The following BMPR2 variants were observed in gnomAD, a reference collection of about 807,000 sequenced individuals.
The protein encoded by BMPR2 is bone morphogenetic protein receptor type 2.
BMPR2 carries 29 observed loss-of-function variants against 100.8 expected under a neutral mutation model. The ratio of observed to expected loss-of-function variants is 0.29; its 90% CI spans 0.21 to 0.39. The LOEUF is 0.39. Among genes scored for constraint, BMPR2 ranks in the 10% least tolerant of loss-of-function variants. The pLI is 1.00. For missense variants in BMPR2, 1,011 were observed against 1,274.5 expected (o/e 0.79, Z 3.15); for synonymous variants, 382 against 442.3 (o/e 0.86, Z 1.71).
At chr2:202,547,461 G>A (rs954461353) in intron 10 of BMPR2, among the ~76,000 whole-genome samples, 1 of 152,060 alleles carries the variant, frequency 6.6e-6, no homozygotes, top group African/African-American at 2.4e-5. Context: ...GTAATCAATG[G>A]TTTTATCCTA....
chr2:202,403,498 T>A (rs1283033142), intron 1 of BMPR2, among the ~76,000 whole-genome samples: 2 of 152,152 alleles, frequency 1.3e-5, no homozygotes, highest in African/African-American at 4.8e-5. Flanking sequence ...TTTTCTCGTA[T>A]AATTTTGAAC....
At chr2:202,556,616 T>G in intron 12 of BMPR2, 85 bp downstream of exon 12, 1 of 1,444,342 alleles carries the variant, frequency 6.9e-7, no homozygotes, top group Non-Finnish European at 9.5e-7. Context: ...TAGATATATT[T>G]CAACTAGTGA....
chr2:202,407,500 T>G (rs1232697720), intron 1 of BMPR2, among the ~76,000 whole-genome samples: 4 of 151,084 alleles, frequency 2.6e-5, no homozygotes, highest in Admixed American at 2.6e-4. Context: ...TGGCTGGGCG[T>G]GGTCGCTCAC....
At chr2:202,415,728 AT>A (rs2105920061) in intron 1 of BMPR2, among the ~76,000 whole-genome samples, 2 of 152,332 alleles carry the variant, frequency 1.3e-5, no homozygotes, top group East Asian at 3.9e-4. Flanking sequence ...CTTACTGAAT[AT>A]TTTAAGCCCA....
In BMPR2 at chr2:202,464,860, A is replaced by C; in HGVS notation, c.128A>C (p.Asp43Ala). Reference sequence around the variant, plus strand: ...GCGTTTAAAGATCCGTATCAGCAAGACCTTGGGATAGGTGAGAGTAGAATC... The same window carrying C: ...GCGTTTAAAGATCCGTATCAGCAAGCCCTTGGGATAGGTGAGAGTAGAATC... ...LCAFKDPYQQ[D>A]LGIGESRISH... The change falls in exon 2 of 13, where the codon GAC becomes GCC. Residue 43 changes from aspartate (D) to alanine (A), a missense_variant. This residue lies in a region of BMPR2 where 355 missense variants were observed against 455.3 expected (regional missense o/e 0.78). Transcript: ENST00000374580. The C allele has an allele frequency of 6.2e-7, 1 of 1,614,152 alleles. No individual in the cohort carries two copies. The highest frequency in any genetic ancestry group is 8.5e-7 in the Non-Finnish European group (1 of 1,180,022).
At chr2:202,514,860 A>G (rs1422551453) in intron 4 of BMPR2, 28 bp from the exon 5 acceptor site, 1 of 1,555,744 alleles carries the variant, frequency 6.4e-7, no homozygotes, top group South Asian at 1.1e-5. Context: ...AAAACCATAT[A>G]TTAGTAACCT....
chr2:202,507,455 T>C (rs1687542196), intron 3 of BMPR2, among the ~76,000 whole-genome samples: 1 of 152,174 alleles, frequency 6.6e-6, no homozygotes, highest in African/African-American at 2.4e-5. Context: ...GGTAACACAA[T>C]TATGGCTCAC....
intron 1 of BMPR2, among the ~76,000 whole-genome samples, chr2:202,378,439 C>G (rs1244805826): frequency 6.6e-6 from 1 of 152,106 alleles, no homozygotes; most frequent in Non-Finnish European, 1.5e-5. Context: ...ATGGATTGTG[C>G]TTTTAAAACG....
intron 7 of BMPR2, among the ~76,000 whole-genome samples, chr2:202,523,841 C>T (rs926114536): frequency 6.6e-6 from 1 of 151,646 alleles, no homozygotes; most frequent in African/African-American, 2.4e-5. Context: ...GTTACACATA[C>T]ACCATCGAGT....
intron 1 of BMPR2, among the ~76,000 whole-genome samples, chr2:202,381,607 T>C (rs1327128980): frequency 6.6e-6 from 1 of 152,222 alleles, no homozygotes; most frequent in Admixed American, 6.5e-5. Context: ...AATATTTGGA[T>C]ATATAGTACT....
At chr2:202,394,817 A>G (rs1012022375) in intron 1 of BMPR2, among the ~76,000 whole-genome samples, 13 of 152,238 alleles carry the variant, frequency 8.5e-5, no homozygotes, top group African/African-American at 3.1e-4. Flanking sequence ...TAAATCATCC[A>G]GAGTCTAGAA....
At chr2:202,389,652 T>A (rs12991822) in intron 1 of BMPR2, among the ~76,000 whole-genome samples, 17,869 of 151,836 alleles carry the variant, frequency 0.12, 1,324 homozygotes, top group Admixed American at 0.2. Flanking sequence ...AAATTTATTT[T>A]TTTTTTTTTG....
intron 1 of BMPR2, among the ~76,000 whole-genome samples, chr2:202,423,931 G>A (rs918837011): frequency 2.0e-5 from 3 of 151,892 alleles, no homozygotes; most frequent in African/African-American, 4.8e-5. Context: ...TACATACCAC[G>A]GATGTGGTGG....
rs1688726117 is a variant in BMPR2 at position 202,564,506 on chromosome 2, T to C, written c.*4560T>C. Reference sequence around the variant, plus strand: ...AAATGTACTGTTACTGGCAGTTTACTCTCCAGCATATAAGGTTGCATTTTA... The same window carrying C: ...AAATGTACTGTTACTGGCAGTTTACCCTCCAGCATATAAGGTTGCATTTTA... On this transcript the variant is annotated 3_prime_UTR_variant, in exon 13 of 13. Coordinates refer to ENST00000374580, the MANE Select transcript of BMPR2 (RefSeq NM_001204.7). The C allele has an allele frequency of 6.6e-6, 1 of 152,224 alleles. No individual in the cohort carries two copies. Among genetic ancestry groups the C allele is most frequent in the South Asian group, 2.1e-4 (1 of 4,830 alleles). The allele number at this position is 152,224 out of a possible 1,614,324, so 9.4% of individuals were successfully genotyped here.
intron 1 of BMPR2, among the ~76,000 whole-genome samples, chr2:202,393,891 G>C (rs1357439096): frequency 1.4e-5 from 1 of 70,212 alleles, no homozygotes; most frequent in Non-Finnish European, 2.8e-5. Context: ...GCGAGAGAGA[G>C]AGAGAGAGAG....
At chr2:202,382,171 T>G (rs2105895943) in intron 1 of BMPR2, among the ~76,000 whole-genome samples, 1 of 149,760 alleles carries the variant, frequency 6.7e-6, no homozygotes, top group East Asian at 2.0e-4. Flanking sequence ...GCCATTCTCC[T>G]GCCTCAGCCT....
At chr2:202,486,097 A>C (rs1477413502) in intron 3 of BMPR2, among the ~76,000 whole-genome samples, 1 of 152,110 alleles carries the variant, frequency 6.6e-6, no homozygotes, top group Non-Finnish European at 1.5e-5. Context: ...TAATATGACA[A>C]TTAAAAAAAA....
At chr2:202,471,474 A>C (rs1241517008) in intron 3 of BMPR2, among the ~76,000 whole-genome samples, 1 of 152,202 alleles carries the variant, frequency 6.6e-6, no homozygotes, top group Non-Finnish European at 1.5e-5. Context: ...AACATTATTA[A>C]AGAAGGACAC....
intron 3 of BMPR2, among the ~76,000 whole-genome samples, chr2:202,476,663 C>T (rs1355999829): frequency 6.6e-6 from 1 of 152,158 alleles, no homozygotes; most frequent in East Asian, 1.9e-4. Flanking sequence ...GTGGCATGCG[C>T]CTGTAATCCC....
Sources: gnomAD v4.1 joint callset for allele counts (sites outside exome capture counted in the v4.1 genomes callset) on GRCh38, gnomAD v4.1.1 for gene constraint, gnomAD v4.1.1 regional missense constraint, MANE v1.5 for transcripts, NCBI Gene and HGNC (gene_info 2026-07-23, HGNC 2026-07-21) for gene names.